ANO10: variants seen among roughly 807,000 people sequenced by gnomAD.
ANO10 encodes the protein anoctamin-10.
ANO10 carries 77 observed loss-of-function variants against 74.7 expected under a neutral mutation model. That is an observed-to-expected ratio of 1.03 (90% confidence interval 0.86 to 1.25). ANO10 has a LOEUF of 1.25. ANO10 is among the 50% of genes most tolerant of loss of function. The pLI, the probability that ANO10 is intolerant of heterozygous loss-of-function variation, is 0.00. For synonymous variants in ANO10, 279 were observed against 284.9 expected, an observed-to-expected ratio of 0.98 and a Z score of 0.21; for missense variants, 721 against 778.1, an observed-to-expected ratio of 0.93 and a Z score of 0.87.
At chr3:43,454,067 C>T (rs931766440) in intron 11 of ANO10, among the ~76,000 whole-genome samples, 5 of 152,064 alleles carry the variant, frequency 3.3e-5, no homozygotes, top group Admixed American at 6.6e-5. Flanking sequence ...ACAGGATAGC[C>T]AGGGGAAGGT....
At chr3:43,599,297 T>C (rs1250352554) in intron 3 of ANO10, among the ~76,000 whole-genome samples, 1 of 152,204 alleles carries the variant, frequency 6.6e-6, no homozygotes, top group Non-Finnish European at 1.5e-5. Context: ...GGGATCAGTT[T>C]GATTCTGAAG....
At chr3:43,654,903 C>T (rs766718876) in intron 1 of ANO10, among the ~76,000 whole-genome samples, 5 of 152,198 alleles carry the variant, frequency 3.3e-5, no homozygotes, top group Non-Finnish European at 7.3e-5. Flanking sequence ...TATCAGTTTT[C>T]TCTAAGCAAA....
At chr3:43,586,631 T>TATATATATATATATAA (rs1212407631) in intron 4 of ANO10, among the ~76,000 whole-genome samples, 2 of 151,736 alleles carry the variant, frequency 1.3e-5, no homozygotes, top group Non-Finnish European at 2.9e-5. Flanking sequence ...CCAAAAATAC[T>TATATATATATATATAA]ACAAGAAAAA....
rs913479651 is a variant in ANO10 at position 43,661,732 on chromosome 3, C to CA, written c.-12+29784dup. On this transcript the variant is annotated intron_variant, in intron 1 of 3. Transcript: ENST00000413397. Reference sequence around the variant, plus strand: ...GACGATCTACCAAACAAATGGAAAGCAAAAAAAAGCAGGGGTTGCAATTCT... The same window carrying CA: ...GACGATCTACCAAACAAATGGAAAGCAAAAAAAAAGCAGGGGTTGCAATTCT... Among the ~76,000 whole-genome samples the CA allele has an allele frequency of 1.0e-3, 151 of 150,722 alleles. 1 individual carries two copies. Among genetic ancestry groups the CA allele is most frequent in the African/African-American group, 3.5e-3 (143 of 41,132 alleles).
chr3:43,466,383 A>ACAAC (rs1553677006), intron 11 of ANO10, among the ~76,000 whole-genome samples: 3 of 76,262 alleles, frequency 3.9e-5, no homozygotes, highest in African/African-American at 1.1e-4. Context: ...AAAAAAAAAA[A>ACAAC]AAAACAAACA....
chr3:43,445,168 G>C (rs2093226505), intron 11 of ANO10, among the ~76,000 whole-genome samples: 1 of 148,786 alleles, frequency 6.7e-6, no homozygotes, highest in South Asian at 2.1e-4. Context: ...CACAGATCTT[G>C]GTTTCTAATA....
chr3:43,523,425 T>A (rs1433641707), intron 11 of ANO10, among the ~76,000 whole-genome samples: 1 of 152,260 alleles, frequency 6.6e-6, no homozygotes, highest in East Asian at 1.9e-4. Context: ...TTCAGAATAA[T>A]CATTTTAGCA....
intron 12 of ANO10, among the ~76,000 whole-genome samples, chr3:43,382,912 G>A (rs1202801765): frequency 1.3e-5 from 2 of 152,138 alleles, no homozygotes; most frequent in Non-Finnish European, 2.9e-5. Flanking sequence ...AAGAATCCAG[G>A]ACTAGATGGA....
chr3:43,510,095 G>A (rs2077452903), intron 11 of ANO10, among the ~76,000 whole-genome samples: 1 of 152,108 alleles, frequency 6.6e-6, no homozygotes. Context: ...TATTTTGATG[G>A]TGGTGGTAGA....
rs944110131 is a variant in ANO10 at position 43,366,041 on chromosome 3, G to A, written c.*865C>T. 3.3e-5 allele frequency: 5 copies of A among 152,798 alleles called. No individual in the cohort carries two copies. Among genetic ancestry groups the A allele is most frequent in the African/African-American group, 1.2e-4 (5 of 41,476 alleles). The allele number at this position is 152,798 out of a possible 1,614,324, so 9.5% of individuals were successfully genotyped here. A position where few individuals can be genotyped will look rare whatever the true frequency, so the allele number is the denominator to read the frequency against. On this transcript the variant is annotated 3_prime_UTR_variant, in exon 13 of 13. Transcript: ENST00000292246. ...GAGGTGGGCAGCACCACTGGGCAAG[G>A]AGGGCCCTTTTCTCTGCAAGCCCAA...
chr3:43,672,646 G>A (rs767476498), intron 1 of ANO10, among the ~76,000 whole-genome samples: 1 of 152,054 alleles, frequency 6.6e-6, no homozygotes, highest in Non-Finnish European at 1.5e-5. Context: ...TGCTTAAAAC[G>A]TGTATCCCCA....
At chr3:43,423,779 G>A (rs965699515) in intron 12 of ANO10, among the ~76,000 whole-genome samples, 3 of 152,062 alleles carry the variant, frequency 2.0e-5, no homozygotes, top group African/African-American at 4.8e-5. Context: ...AGACCCTACC[G>A]TGGAGAGCTG....
intron 10 of ANO10, among the ~76,000 whole-genome samples, chr3:43,553,533 TTC>T (rs1243702739): frequency 8.7e-6 from 1 of 115,078 alleles, no homozygotes; most frequent in South Asian, 3.2e-4. Flanking sequence ...ACTGGATAAT[TTC>T]TCTCTTTTTT....
intron 11 of ANO10, among the ~76,000 whole-genome samples, chr3:43,509,355 C>T (rs1395776372): frequency 6.6e-6 from 1 of 151,972 alleles, no homozygotes; most frequent in Non-Finnish European, 1.5e-5. Context: ...TACCCTAGAA[C>T]TTAAATTTAA....
chr3:43,372,653 C>A, intron 12 of ANO10: 1 of 543,010 alleles, frequency 1.8e-6, no homozygotes, highest in Non-Finnish European at 3.3e-6. Context: ...ATTTCAATTG[C>A]TGCACTCCTC....
intron 7 of ANO10, among the ~76,000 whole-genome samples, chr3:43,568,030 A>G (rs978564404): frequency 1.3e-5 from 2 of 151,892 alleles, no homozygotes; most frequent in Non-Finnish European, 2.9e-5. Context: ...CAGGGGTTGC[A>G]ATCCTAGTCT....
At chr3:43,626,682 G>T (rs1275334473), upstream of ANO10, among the ~76,000 whole-genome samples, 2 of 152,036 alleles carry the variant, frequency 1.3e-5, no homozygotes, top group East Asian at 3.8e-4. Flanking sequence ...TTTATATCTT[G>T]ATAGCTACAC....
At chr3:43,372,731 G>A (rs895887223) in intron 12 of ANO10, 4 of 900,582 alleles carry the variant, frequency 4.4e-6, no homozygotes, top group Non-Finnish European at 6.9e-6. Flanking sequence ...ATCCTACCTG[G>A]TATGTGGTCT....
chr3:43,403,901 A>G (rs1189571705), intron 12 of ANO10, among the ~76,000 whole-genome samples: 2 of 152,160 alleles, frequency 1.3e-5, no homozygotes, highest in Non-Finnish European at 2.9e-5. Context: ...CTACACAATG[A>G]TTCCCATATC....
Sources: gnomAD v4.1 joint callset for allele counts (sites outside exome capture counted in the v4.1 genomes callset) on GRCh38, gnomAD v4.1.1 for gene constraint, MANE v1.5 for transcripts, NCBI Gene and HGNC (gene_info 2026-07-23, HGNC 2026-07-21) for gene names.